COX7B2: variants seen among roughly 807,000 people sequenced by gnomAD.
COX7B2 encodes the protein cytochrome c oxidase subunit 7B2.
For synonymous variants in COX7B2, 37 were observed against 32.1 expected (o/e 1.15, Z -0.51); for missense variants, 109 against 95.9 (o/e 1.14, Z -0.57).
At chr4:46,817,853 C>G (rs1484217265) in intron 2 of COX7B2, among the ~76,000 whole-genome samples, 1 of 152,092 alleles carries the variant, frequency 6.6e-6, no homozygotes, top group East Asian at 1.9e-4. Flanking sequence ...ACTGAGACCC[C>G]CTTCAAGCAT....
At chr4:46,736,673 T>C (rs1243094750) in intron 2 of COX7B2, among the ~76,000 whole-genome samples, 1 of 152,160 alleles carries the variant, frequency 6.6e-6, no homozygotes, top group African/African-American at 2.4e-5. Context: ...CTCCACAGTT[T>C]TGCCTTTTTC....
chr4:46,885,287 T>A (rs949119959), intron 1 of COX7B2, among the ~76,000 whole-genome samples: 1 of 152,058 alleles, frequency 6.6e-6, no homozygotes, highest in African/African-American at 2.4e-5. Flanking sequence ...GCAGGGAAAA[T>A]AAAACACGCA....
chr4:46,895,018 T>C (rs1020449186), intron 1 of COX7B2, among the ~76,000 whole-genome samples: 2 of 152,048 alleles, frequency 1.3e-5, no homozygotes, highest in African/African-American at 4.8e-5. Flanking sequence ...TTGTTGGAGC[T>C]GTGCCAAGCA....
At chr4:46,746,899 C>T (rs1205543719) in intron 2 of COX7B2, among the ~76,000 whole-genome samples, 1 of 152,054 alleles carries the variant, frequency 6.6e-6, no homozygotes, top group East Asian at 1.9e-4. Context: ...ACAGGAATTA[C>T]CATAAAAATA....
At chr4:46,744,374 G>C (rs1009593676) in intron 2 of COX7B2, among the ~76,000 whole-genome samples, 1 of 151,954 alleles carries the variant, frequency 6.6e-6, no homozygotes, top group African/African-American at 2.4e-5. Flanking sequence ...CGGTCGGAGA[G>C]ACGAATTTGA....
Position 46,889,054 on chromosome 4 carries a change from C to A in COX7B2, c.-105+20106G>T, listed in dbSNP as rs560652010. ...CATTTTCCATGATGTGAGTATTATGCATTGCATGCCTGTATCAAAACATCT... is the reference window on the plus strand; with the variant it reads ...CATTTTCCATGATGTGAGTATTATGAATTGCATGCCTGTATCAAAACATCT... On this transcript the variant is annotated intron_variant, in intron 1 of 2. Transcript: ENST00000355591. 1.2e-4 allele frequency among the ~76,000 whole-genome samples: 18 copies of A among 152,250 alleles called. No homozygotes were observed. The South Asian group carries it at 3.1e-3, about 26-fold the overall frequency.
intron 1 of COX7B2, among the ~76,000 whole-genome samples, chr4:46,850,569 C>G (rs781334728): frequency 6.6e-6 from 1 of 152,078 alleles, no homozygotes. Flanking sequence ...AAGTGTAAGA[C>G]TTCACTTCAT....
intron 1 of COX7B2, among the ~76,000 whole-genome samples, chr4:46,888,780 T>G (rs1425745132): frequency 1.3e-5 from 2 of 152,182 alleles, no homozygotes; most frequent in Non-Finnish European, 2.9e-5. Flanking sequence ...GTATTGATAT[T>G]ACTTCCCTAC....
chr4:46,899,738 A>C (rs1207468252), intron 1 of COX7B2, among the ~76,000 whole-genome samples: 1 of 152,230 alleles, frequency 6.6e-6, no homozygotes, highest in East Asian at 1.9e-4. Context: ...AGTATTTTCC[A>C]TTTGAATGAT....
rs978925954 is a variant in COX7B2 at position 46,888,541 on chromosome 4, T to A, written c.-105+20619A>T. Among the ~76,000 whole-genome samples, 6 of 151,920 alleles carry A rather than the reference T, an allele frequency of 3.9e-5. 1 individual carries two copies. In the South Asian group the frequency reaches 6.2e-4, roughly 16 times the overall value. On this transcript the variant is annotated intron_variant, in intron 1 of 2. Transcript: ENST00000355591. ...TCACTGCAAGCTCCACCTCCCAGGT[T>A]CACGCCATTCTCCTGCCTCAGCCTC...
At chr4:46,806,380 C>T (rs1289320608) in intron 2 of COX7B2, among the ~76,000 whole-genome samples, 1 of 151,576 alleles carries the variant, frequency 6.6e-6, no homozygotes, top group Non-Finnish European at 1.5e-5. Flanking sequence ...TCCATGTCTT[C>T]ATGTAATATT....
At chr4:46,804,455 T>C (rs924104745) in intron 2 of COX7B2, among the ~76,000 whole-genome samples, 41 of 152,282 alleles carry the variant, frequency 2.7e-4, no homozygotes, top group African/African-American at 9.4e-4. Flanking sequence ...TGTGACAGGG[T>C]GCTGATTGGT....
At chr4:46,804,339 T>C (rs896995434) in intron 2 of COX7B2, among the ~76,000 whole-genome samples, 2 of 152,202 alleles carry the variant, frequency 1.3e-5, no homozygotes, top group Non-Finnish European at 2.9e-5. Flanking sequence ...CTGCTGGCTC[T>C]GGCAGCCTGC....
chr4:46,807,413 C>A (rs150275416), intron 2 of COX7B2, among the ~76,000 whole-genome samples: 1 of 151,904 alleles, frequency 6.6e-6, no homozygotes, highest in African/African-American at 2.4e-5. Context: ...AAACATTAAA[C>A]GCTTATCAGA....
At chr4:46,778,167 G>C (rs1009820411) in intron 2 of COX7B2, among the ~76,000 whole-genome samples, 1 of 151,964 alleles carries the variant, frequency 6.6e-6, no homozygotes, top group Non-Finnish European at 1.5e-5. Flanking sequence ...TGTGTGATTT[G>C]AAAATCAAAT....
At chr4:46,873,150 A>C (rs1718104411) in intron 1 of COX7B2, among the ~76,000 whole-genome samples, 2 of 152,028 alleles carry the variant, frequency 1.3e-5, no homozygotes, top group Non-Finnish European at 2.9e-5. Flanking sequence ...AAGGACATGA[A>C]CTCATCCTTT....
At chr4:46,746,365 T>C (rs1560348497) in intron 2 of COX7B2, among the ~76,000 whole-genome samples, 1 of 152,138 alleles carries the variant, frequency 6.6e-6, no homozygotes, top group African/African-American at 2.4e-5. Context: ...GAAAAGAAAT[T>C]ATAAAAGTGG....
intron 2 of COX7B2, among the ~76,000 whole-genome samples, chr4:46,820,458 A>T (rs1714191928): frequency 2.0e-5 from 3 of 152,216 alleles, no homozygotes; most frequent in Admixed American, 2.0e-4. Flanking sequence ...CTAACAGGCC[A>T]TGGGCTGGTA....
intron 1 of COX7B2, among the ~76,000 whole-genome samples, chr4:46,871,534 T>C (rs1007801582): frequency 2.0e-5 from 3 of 151,312 alleles, no homozygotes; most frequent in Non-Finnish European, 4.4e-5. Flanking sequence ...AAGCAAACTA[T>C]CAACAGAGTA....
Sources: allele counts gnomAD v4.1 joint callset (sites outside exome capture counted in the v4.1 genomes callset), GRCh38; gene constraint gnomAD v4.1.1; transcripts MANE v1.5; gene names NCBI Gene and HGNC (gene_info 2026-07-23, HGNC 2026-07-21).